The following CAPRIN1 variants were observed in gnomAD, a reference collection of about 807,000 sequenced individuals.
CAPRIN1 encodes caprin-1.
In CAPRIN1, 29 loss-of-function variants were observed where a neutral mutation model predicts 100.9. The observed-to-expected ratio is 0.29, with a 90% confidence interval of 0.21 to 0.39. The LOEUF is 0.39. Among genes scored for constraint, CAPRIN1 ranks in the 10% least tolerant of loss-of-function variants. CAPRIN1 has a pLI of 1.00. For synonymous variants in CAPRIN1, 338 were observed against 307.5 expected, an observed-to-expected ratio of 1.10 and a Z score of -1.04; for missense variants, 795 against 876.7, an observed-to-expected ratio of 0.91 and a Z score of 1.18.
At chr11:34,065,163 C>A (rs961895922) in intron 2 of CAPRIN1, among the ~76,000 whole-genome samples, 1 of 151,872 alleles carries the variant, frequency 6.6e-6, no homozygotes, top group Non-Finnish European at 1.5e-5. Flanking sequence ...AGGGTTTCAC[C>A]TTGTTAGCCA....
intron 14 of CAPRIN1, 59 bp from the exon 15 acceptor site, chr11:34,091,847 C>T: frequency 2.0e-6 from 3 of 1,486,998 alleles, no homozygotes; most frequent in Non-Finnish European, 1.8e-6. Context: ...TTGAGTTTGG[C>T]CATGTTATAA....
Position 34,099,459 on chromosome 11 carries a change from C to A in CAPRIN1, c.*92C>A. ...GAAGAGTTATTATCTATTTGTTCTCCCTTTCAGGAAACTTATTGTAAAGGG... is the reference window on the plus strand; with the variant it reads ...GAAGAGTTATTATCTATTTGTTCTCACTTTCAGGAAACTTATTGTAAAGGG... On this transcript the variant is annotated 3_prime_UTR_variant, in exon 19 of 19. Transcript: ENST00000341394. 1 of 1,092,606 alleles carries A rather than the reference C, an allele frequency of 9.2e-7. No individual in the cohort carries two copies. The highest frequency in any genetic ancestry group is 1.4e-6 in the Non-Finnish European group (1 of 719,724). 67.7% of individuals were successfully genotyped at this position (1,092,606 alleles called of 1,614,324 possible). A position where few individuals can be genotyped will look rare whatever the true frequency, so the allele number is the denominator to read the frequency against.
At chr11:34,076,538 A>G in intron 5 of CAPRIN1, 22 bp from the exon 6 acceptor site, 1 of 1,609,340 alleles carries the variant, frequency 6.2e-7, no homozygotes, top group Non-Finnish European at 8.5e-7. Flanking sequence ...AAGGTTATTA[A>G]TTAGCTATTT....
At chr11:34,087,282 A>G (rs1219149883) in intron 11 of CAPRIN1, among the ~76,000 whole-genome samples, 1 of 152,042 alleles carries the variant, frequency 6.6e-6, no homozygotes, top group African/African-American at 2.4e-5. Context: ...AATTTGGTGT[A>G]AGGTAGTTAG....
In CAPRIN1 at chr11:34,101,291, C is replaced by A. The variant is rs531201531; in HGVS notation, c.*1924C>A. ...TGGGATGTACCACAACCATATGTTA[C>A]CTGTATCTTAGGGGAATGGATAAAA... is the stretch of plus-strand genomic sequence containing the variant. On this transcript the variant is annotated 3_prime_UTR_variant, in exon 19 of 19. Transcript: ENST00000341394. 7 of 152,106 alleles carry A rather than the reference C, an allele frequency of 4.6e-5. No homozygotes were observed. The East Asian group carries it at 1.3e-3, about 29-fold the overall frequency. 9.4% of individuals were successfully genotyped at this position (152,106 alleles called of 1,614,324 possible).
At chr11:34,052,302 C>G (rs1850332539) in intron 1 of CAPRIN1, 119 bp from the exon 2 acceptor site, 1 of 864,318 alleles carries the variant, frequency 1.2e-6, no homozygotes, top group East Asian at 2.8e-5. Context: ...CCTCCCCCAC[C>G]CGCTCGCGTA....
chr11:34,099,012 G>A, intron 18 of CAPRIN1: 1 of 1,270,948 alleles, frequency 7.9e-7, no homozygotes, highest in Non-Finnish European at 1.0e-6. Flanking sequence ...CTTGATGATG[G>A]TGCCTGGCAC....
At chr11:34,094,090 C>G (rs1219832310) in intron 15 of CAPRIN1, among the ~76,000 whole-genome samples, 2 of 152,154 alleles carry the variant, frequency 1.3e-5, no homozygotes, top group Non-Finnish European at 2.9e-5. Flanking sequence ...TCATGGCTGG[C>G]ACCTATAATC....
At chr11:34,052,926 C>A in intron 2 of CAPRIN1, 2 of 1,268,344 alleles carry the variant, frequency 1.6e-6, no homozygotes, top group Admixed American at 3.8e-5. Context: ...AGGAGTGGGA[C>A]ATGTGAGGGT....
At chr11:34,071,817 C>T (rs1289348542) in intron 3 of CAPRIN1, 29 bp downstream of exon 3, 2 of 1,581,012 alleles carry the variant, frequency 1.3e-6, no homozygotes, top group African/African-American at 2.7e-5. Context: ...TTATTTTAGA[C>T]CTAATGCTCA....
At chr11:34,071,857 G>T (rs1565088097) in intron 3 of CAPRIN1, 44 bp from the exon 4 acceptor site, 1 of 1,588,944 alleles carries the variant, frequency 6.3e-7, no homozygotes. Context: ...TAATTCTGTG[G>T]TTTTTTGTCT....
At chr11:34,093,243 T>G (rs1004767305) in intron 15 of CAPRIN1, among the ~76,000 whole-genome samples, 6 of 151,492 alleles carry the variant, frequency 4.0e-5, no homozygotes, top group Non-Finnish European at 8.8e-5. Context: ...TTGCCCAGGT[T>G]GGAGTGCAGT....
chr11:34,096,687 AAAGG>A lies in CAPRIN1; in HGVS notation c.1900+16_1900+19del. 1 of 1,575,268 alleles carries A rather than the reference AAAGG, an allele frequency of 6.3e-7. No homozygotes were observed. The highest frequency in any genetic ancestry group is 8.7e-7 in the Non-Finnish European group (1 of 1,155,850). On this transcript the variant is annotated intron_variant, in intron 16 of 18. Transcript: ENST00000341394. ...ATGGATTCAGAGGTAAAAAAATAAA[AAAGG>A]AGGTTCTAATGACCTTTTACTAGTT...
Position 34,076,635 on chromosome 11 carries a change from A to C in CAPRIN1, c.681A>C (p.Gly227=). 1 of 1,606,578 alleles carries C rather than the reference A, an allele frequency of 6.2e-7. No individual in the cohort carries two copies. The highest frequency in any genetic ancestry group is 8.5e-7 in the Non-Finnish European group (1 of 1,173,192). ...AAGGGAAGGAAAAACCTGTATGTGG[A>C]ACCACCTGTGAGTATCACTGTGATA... The part of the protein sequence containing the change: ...LLEGKEKPVC[G]TTYKVLKEIV... Residue 227 remains glycine, a synonymous_variant, in exon 6 of 19, where the codon GGA becomes GGC. Coordinates refer to ENST00000341394, the MANE Select transcript of CAPRIN1 (RefSeq NM_005898.5).
At chr11:34,071,317 A>G (rs1850800646) in intron 2 of CAPRIN1, among the ~76,000 whole-genome samples, 2 of 152,228 alleles carry the variant, frequency 1.3e-5, no homozygotes, top group East Asian at 3.9e-4. Flanking sequence ...TAATCCTAAC[A>G]CTTGGGGAGG....
chr11:34,062,452 C>T (rs999207586), intron 2 of CAPRIN1, among the ~76,000 whole-genome samples: 2 of 151,848 alleles, frequency 1.3e-5, no homozygotes, highest in Admixed American at 6.6e-5. Context: ...AGTGAAACCC[C>T]GTCTCTACTA....
intron 11 of CAPRIN1, among the ~76,000 whole-genome samples, chr11:34,089,017 C>G (rs1013904647): frequency 2.0e-5 from 3 of 151,418 alleles, no homozygotes; most frequent in African/African-American, 7.3e-5. Flanking sequence ...TCCTATAATC[C>G]CAGCACTTTG....
Position 34,082,874 on chromosome 11 carries a change from A to G in CAPRIN1, c.876A>G (p.Thr292=), listed in dbSNP as rs371955539. ...EYTEQSEVES[T]EYVNRQFMAE... The stretch of plus-strand genomic sequence containing the variant: ...CTGAGCAAAGTGAAGTTGAATCAAC[A>G]GAGGTATGATTTTAATTTAATGCTG... Residue 292 remains threonine (T), a synonymous_variant, in exon 8 of 19, where the codon ACA becomes ACG. Coordinates refer to ENST00000341394, the MANE Select transcript of CAPRIN1 (RefSeq NM_005898.5). 6.2e-7 allele frequency: 1 copy of G among 1,613,890 alleles called. No homozygotes were observed. The highest frequency in any genetic ancestry group is 8.5e-7 in the Non-Finnish European group (1 of 1,179,798).
Position 34,072,376 on chromosome 11 carries a change from GACAACCA to G in CAPRIN1, c.366+390_366+396del, listed in dbSNP as rs1413560491. On this transcript the variant is annotated intron_variant, in intron 4 of 18. Coordinates refer to ENST00000341394, the MANE Select transcript of CAPRIN1 (RefSeq NM_005898.5). ...TTTAAAAGGACCAAGTTTGAGATTT[GACAACCA>G]TGTATAGTAGCTATGCTAAAGGTCT... 8.6e-5 allele frequency among the ~76,000 whole-genome samples: 13 copies of G among 151,134 alleles called. No homozygotes were observed. The East Asian group carries it at 2.3e-3, about 27-fold the overall frequency.
Sources: gnomAD v4.1 joint callset for allele counts (sites outside exome capture counted in the v4.1 genomes callset) on GRCh38, gnomAD v4.1.1 for gene constraint, MANE v1.5 for transcripts, NCBI Gene and HGNC (gene_info 2026-07-23, HGNC 2026-07-21) for gene names.